Variants in DRC1 observed in about 807,000 individuals in gnomAD.
DRC1 encodes dynein regulatory complex protein 1.
In DRC1, 74 loss-of-function variants were observed where a neutral mutation model predicts 98.7. The ratio of observed to expected loss-of-function variants is 0.75; its 90% CI spans 0.62 to 0.91. DRC1 has a LOEUF of 0.91. Ranked by LOEUF, DRC1 falls within the 40% of genes least tolerant of loss-of-function variation. DRC1 has a pLI of 0.00. For missense variants in DRC1, 875 were observed against 886.0 expected (o/e 0.99, Z 0.16); for synonymous variants, 336 against 334.1 (o/e 1.01, Z -0.06).
intron 1 of DRC1, among the ~76,000 whole-genome samples, chr2:26,407,529 G>A (rs1678465451): frequency 6.6e-6 from 1 of 152,122 alleles, no homozygotes; most frequent in African/African-American, 2.4e-5. Flanking sequence ...GCAGTGACAG[G>A]AGACTGGACA....
chr2:26,429,853 C>T, intron 5 of DRC1, 88 bp downstream of exon 5: 1 of 1,395,494 alleles, frequency 7.2e-7, no homozygotes, highest in Admixed American at 2.3e-5. Flanking sequence ...AAGGAGGGCC[C>T]TACATGACTT....
rs774843796 is a variant in DRC1 at position 26,455,230 on chromosome 2, C to T, written c.2163C>T (p.Ser721=). The T allele has an allele frequency of 3.1e-6, 5 of 1,612,294 alleles. No individual in the cohort carries two copies. Among genetic ancestry groups the T allele is most frequent in the Middle Eastern group, 1.8e-4 (1 of 5,608 alleles). ...CGCTACTGCAGCAGTATCTGAACTC[C>T]AAGGTGGGCGGCGGGGCCTTCCAAG... ...LQALLQQYLN[S]KINSELQVPP... is the part of the protein sequence containing the mutation. The change falls in exon 16 of 17, where the codon TCC becomes TCT. Residue 721 remains serine, a synonymous_variant. Transcript: ENST00000288710.
At chr2:26,451,397 A>G (rs1664004205) in intron 13 of DRC1, among the ~76,000 whole-genome samples, 1 of 152,256 alleles carries the variant, frequency 6.6e-6, no homozygotes, top group African/African-American at 2.4e-5. Flanking sequence ...AATATTAACT[A>G]TTTTAAAGAA....
At chr2:26,404,803 C>T (rs1678365491) in intron 1 of DRC1, among the ~76,000 whole-genome samples, 1 of 152,326 alleles carries the variant, frequency 6.6e-6, no homozygotes, top group Non-Finnish European at 1.5e-5. Context: ...GACATGATTG[C>T]TGGCTGAGTC....
intron 4 of DRC1, among the ~76,000 whole-genome samples, chr2:26,429,043 C>T (rs1663359538): frequency 6.6e-6 from 1 of 152,098 alleles, no homozygotes. Context: ...GGGAGATTTG[C>T]AGCAGGTGAT....
At chr2:26,439,922 A>ATATATATATATATATATATATATATAT (rs1553342451) in intron 7 of DRC1, among the ~76,000 whole-genome samples, 1 of 43,422 alleles carries the variant, frequency 2.3e-5, no homozygotes, top group African/African-American at 7.6e-5. Context: ...CTAGTGTGTG[A>ATATATATATATATATATATATATATAT]ATATATATAT....
At chr2:26,455,514 G>A (rs906987775) in intron 16 of DRC1, among the ~76,000 whole-genome samples, 6 of 152,212 alleles carry the variant, frequency 3.9e-5, no homozygotes, top group African/African-American at 1.2e-4. Context: ...GTGAAGCAGT[G>A]CCACAGCCAG....
intron 3 of DRC1, 117 bp downstream of exon 3, chr2:26,421,517 C>T (rs2147985443): frequency 3.4e-6 from 2 of 589,178 alleles, no homozygotes; most frequent in South Asian, 6.3e-5. Flanking sequence ...CCTTCCTGCC[C>T]TTATAACTTC....
chr2:26,419,039 C>T (rs1663042632), intron 2 of DRC1, among the ~76,000 whole-genome samples: 1 of 151,248 alleles, frequency 6.6e-6, no homozygotes, highest in African/African-American at 2.4e-5. Flanking sequence ...TAGGTGTGCA[C>T]CACCATGCCT....
chr2:26,445,063 GT>G, intron 10 of DRC1, 115 bp downstream of exon 10: 1 of 1,134,632 alleles, frequency 8.8e-7, no homozygotes, highest in Non-Finnish European at 1.2e-6. Context: ...ATGATTATTG[GT>G]ATCGCTTTTA....
Position 26,454,593 on chromosome 2 carries a change from G to C in DRC1, c.1920-54G>C. ...GTAGGCCTGTGACTGGCACTGCCTG[G>C]GGGCCTGGGTAGTACCCAATGGACA... On this transcript the variant is annotated intron_variant, in intron 14 of 16. Coordinates refer to ENST00000288710, the MANE Select transcript of DRC1 (RefSeq NM_145038.5). This position sits in a 1 kb window ranked among gnomAD's most constrained non-coding sequence, Gnocchi z 5.2. The C allele has an allele frequency of 6.3e-7, 1 of 1,599,774 alleles. No individual in the cohort carries two copies. The highest frequency in any genetic ancestry group is 8.5e-7 in the Non-Finnish European group (1 of 1,171,220).
At chr2:26,449,823 G>C (rs1201476647) in intron 11 of DRC1, among the ~76,000 whole-genome samples, 173 bp from the exon 12 acceptor site, 2 of 152,096 alleles carry the variant, frequency 1.3e-5, no homozygotes. Flanking sequence ...TGGGGAGGGG[G>C]GCGTTCATGG....
chr2:26,411,437 C>T (rs1013805567), intron 1 of DRC1, among the ~76,000 whole-genome samples: 1 of 152,154 alleles, frequency 6.6e-6, no homozygotes, highest in Non-Finnish European at 1.5e-5. Flanking sequence ...ACACTCATAG[C>T]GCATTTCAAT....
intron 4 of DRC1, among the ~76,000 whole-genome samples, chr2:26,426,372 T>TA (rs1663283106): frequency 7.1e-6 from 1 of 141,370 alleles, no homozygotes; most frequent in African/African-American, 2.9e-5. Flanking sequence ...TTTTGTTTAT[T>TA]TTTTTTTTTT....
intron 2 of DRC1, among the ~76,000 whole-genome samples, chr2:26,419,098 A>G (rs1663050347): frequency 1.3e-5 from 2 of 151,858 alleles, no homozygotes; most frequent in African/African-American, 4.8e-5. Flanking sequence ...CATGTTGTTC[A>G]GGCTGGTCTT....
Position 26,431,868 on chromosome 2 carries a change from C to T in DRC1, c.766-16C>T. 1 of 1,613,186 alleles carries T rather than the reference C, an allele frequency of 6.2e-7. No individual in the cohort carries two copies. Among genetic ancestry groups the T allele is most frequent in the Non-Finnish European group, 8.5e-7 (1 of 1,179,388 alleles). On this transcript the variant is annotated splice_polypyrimidine_tract_variant and intron_variant, in intron 6 of 16. Coordinates refer to ENST00000288710, the MANE Select transcript of DRC1 (RefSeq NM_145038.5). The stretch of plus-strand genomic sequence containing the variant: ...GGATGGTCCCTAACTTTTCCCTTGT[C>T]TTCCTGTGCCTTTAGCTGGAGTATC...
chr2:26,443,511 G>T (rs1465288008), intron 8 of DRC1, among the ~76,000 whole-genome samples: 5 of 152,132 alleles, frequency 3.3e-5, no homozygotes, highest in Non-Finnish European at 7.4e-5. Flanking sequence ...TCACCTCTGG[G>T]CTCCCCTGGC....
chr2:26,455,925 G>A (rs1664151362), intron 16 of DRC1, among the ~76,000 whole-genome samples: 1 of 62,402 alleles, frequency 1.6e-5, no homozygotes, highest in East Asian at 5.8e-4. Context: ...TCGTGACGCA[G>A]CTGTTAGTTG....
At chr2:26,434,495 A>G (rs1447602988) in intron 7 of DRC1, among the ~76,000 whole-genome samples, 1 of 152,250 alleles carries the variant, frequency 6.6e-6, no homozygotes, top group African/African-American at 2.4e-5. Flanking sequence ...ATCCCCCCAA[A>G]TTAAATATGT....
Sources: gnomAD v4.1 joint callset for allele counts (sites outside exome capture counted in the v4.1 genomes callset) on GRCh38, gnomAD v4.1.1 for gene constraint, Gnocchi (gnomAD v3.1) non-coding constraint, MANE v1.5 for transcripts, NCBI Gene and HGNC (gene_info 2026-07-23, HGNC 2026-07-21) for gene names.